KIRREL2: variants seen among roughly 807,000 people sequenced by gnomAD.
KIRREL2 encodes kirre like nephrin family adhesion molecule 2.
KIRREL2 carries 56 observed loss-of-function variants against 73.4 expected under a neutral mutation model. The ratio of observed to expected loss-of-function variants is 0.76; its 90% CI spans 0.62 to 0.95. The LOEUF (loss-of-function observed/expected upper bound fraction) is 0.95, where lower values mean the gene tolerates loss of function less well. Among genes scored for constraint, KIRREL2 ranks in the 40% least tolerant of loss-of-function variants. KIRREL2 has a pLI of 0.00. For missense variants in KIRREL2, 896 were observed against 935.0 expected, an observed-to-expected ratio of 0.96 and a Z score of 0.54; for synonymous variants, 407 against 404.0, an observed-to-expected ratio of 1.01 and a Z score of -0.09.
At chr19:35,864,318 T>G (rs952608153) in intron 13 of KIRREL2, among the ~76,000 whole-genome samples, 5 of 152,060 alleles carry the variant, frequency 3.3e-5, no homozygotes, top group African/African-American at 1.2e-4. Flanking sequence ...GCCTCCTGAG[T>G]AGCTGAAATT....
upstream of KIRREL2, among the ~76,000 whole-genome samples, chr19:35,854,391 G>A (rs1253287946): frequency 8.1e-5 from 12 of 148,936 alleles, no homozygotes; most frequent in Admixed American, 7.4e-4. Context: ...GTGTGATCTC[G>A]GCTCACTGCA....
At chr19:35,852,880 A>G (rs370364967), upstream of KIRREL2, among the ~76,000 whole-genome samples, 346 of 151,922 alleles carry the variant, frequency 2.3e-3, 2 homozygotes, top group African/African-American at 7.6e-3. Flanking sequence ...CCATGGCTTG[A>G]ACCTCCCAGG....
intron 13 of KIRREL2, 117 bp downstream of exon 13, chr19:35,863,153 G>T: frequency 1.6e-6 from 1 of 628,472 alleles, no homozygotes; most frequent in Non-Finnish European, 2.8e-6. Context: ...GCCTGACGTT[G>T]GTAATACCAC....
chr19:35,854,204 C>T (rs1202363021), upstream of KIRREL2, among the ~76,000 whole-genome samples: 1 of 152,124 alleles, frequency 6.6e-6, no homozygotes, highest in Admixed American at 6.5e-5. Context: ...ATTGCCCAGG[C>T]TTGTCTGGAA....
chr19:35,856,738 C>T, upstream of KIRREL2: 1 of 375,336 alleles, frequency 2.7e-6, no homozygotes, highest in Non-Finnish European at 5.0e-6. The surrounding 1 kb of genome is among the most constrained non-coding windows in gnomAD (Gnocchi z 5.9). Flanking sequence ...CCCAGGTGTT[C>T]CGGCTCCCAG....
chr19:35,856,166 C>G (rs991226583), upstream of KIRREL2, among the ~76,000 whole-genome samples: 1 of 152,218 alleles, frequency 6.6e-6, no homozygotes, highest in Non-Finnish European at 1.5e-5. This position sits in a 1 kb window ranked among gnomAD's most constrained non-coding sequence, Gnocchi z 5.9. Flanking sequence ...AGCGTGGGAA[C>G]GCCCCAGCTG....
intron 5 of KIRREL2, 104 bp from the exon 6 acceptor site, chr19:35,860,193 G>A (rs1188966936): frequency 2.3e-6 from 2 of 883,878 alleles, no homozygotes; most frequent in Admixed American, 2.5e-5. Context: ...AAGGGGATTA[G>A]GGGCCCAGAC....
chr19:35,851,647 G>A (rs763497264), upstream of KIRREL2: 40 of 1,613,556 alleles, frequency 2.5e-5, no homozygotes, highest in East Asian at 4.5e-5. Context: ...GGGGAACGGA[G>A]GCAGGAATCG....
chr19:35,860,645 C>T lies in KIRREL2; in HGVS notation c.906C>T (p.Arg302=), dbSNP rs773295487. 23 of 1,603,232 alleles carry T rather than the reference C, an allele frequency of 1.4e-5. No homozygotes were observed. The highest frequency in any genetic ancestry group is 1.9e-5 in the Non-Finnish European group (23 of 1,179,912). Residue 302 remains arginine, a synonymous_variant, in exon 7 of 15, where the codon CGC becomes CGT. Coordinates refer to ENST00000360202, the MANE Select transcript of KIRREL2 (RefSeq NM_199180.4). ...EVSNAVGSAN[R]STALDVLFGP... is the part of the protein sequence containing the mutation. ...GCAACGCCGTGGGTAGCGCCAACCG[C>T]AGTACTGCGCTGGATGTGCTGTGTG... is the stretch of plus-strand genomic sequence containing the variant.
Position 35,862,029 on chromosome 19 carries a change from G to A in KIRREL2, c.1510+5G>A. On this transcript the variant is annotated splice_donor_5th_base_variant and intron_variant, in intron 11 of 14. Transcript: ENST00000360202. Reference sequence around the variant, plus strand: ...AGGCCAGCCTGGGCCGTAGAGGTGAGACCCCAGCCCGAAGACCCCAAATCT... The same window carrying A: ...AGGCCAGCCTGGGCCGTAGAGGTGAAACCCCAGCCCGAAGACCCCAAATCT... 5.0e-6 allele frequency: 8 copies of A among 1,603,182 alleles called. No homozygotes were observed. The highest frequency in any genetic ancestry group is 6.8e-6 in the Non-Finnish European group (8 of 1,175,396).
rs2146852914 is a variant in KIRREL2, at chr19:35,858,466, T to C, written c.270T>C (p.Ile90=). Residue 90 remains isoleucine, a synonymous_variant, in exon 3 of 15, where the codon ATT becomes ATC. Coordinates refer to ENST00000360202, the MANE Select transcript of KIRREL2 (RefSeq NM_199180.4). ...CCAATGGCCAGCATGACCTCCACAT[T>C]AGGCCCGTGGAGCTAGAGGATGAAG... ...NAANGQHDLH[I]RPVELEDEAS... 1 of 1,614,114 alleles carries C rather than the reference T, an allele frequency of 6.2e-7. No homozygotes were observed. Among genetic ancestry groups the C allele is most frequent in the South Asian group, 1.1e-5 (1 of 91,086 alleles).
upstream of KIRREL2, chr19:35,851,739 G>A: frequency 1.3e-6 from 2 of 1,559,644 alleles, no homozygotes; most frequent in Admixed American, 1.9e-5. Flanking sequence ...TGGGAAATGG[G>A]GGCCACTTGG....
rs1431769986 is a variant in KIRREL2, at chr19:35,857,390, T to C, written c.107T>C (p.Leu36Pro). 3.7e-6 allele frequency: 6 copies of C among 1,612,784 alleles called. No individual in the cohort carries two copies. The highest frequency in any genetic ancestry group is 5.1e-6 in the Non-Finnish European group (6 of 1,180,010). The stretch of plus-strand genomic sequence containing the variant: ...CAACAGCCAGAGGACCTGGTGGTGC[T>C]GCTGGGGGAGGAAGCCCGGCTGCCG... Reference protein sequence around the residue: ...FLQQPEDLVVLLGEEARLPCA... With the variant: ...FLQQPEDLVVPLGEEARLPCA... The change falls in exon 2 of 15, where the codon CTG becomes CCG. Residue 36 changes from leucine to proline, a missense_variant. Transcript: ENST00000360202.
At chr19:35,860,700 A>G in intron 7 of KIRREL2, 33 bp downstream of exon 7, 1 of 1,598,864 alleles carries the variant, frequency 6.3e-7, no homozygotes, top group Non-Finnish European at 8.5e-7. Flanking sequence ...GTGTGGTCAA[A>G]GGTGGCCGTG....
chr19:35,857,423 T>C lies in KIRREL2; in HGVS notation c.140T>C (p.Leu47Pro), dbSNP rs749525294. 6.2e-7 allele frequency: 1 copy of C among 1,613,050 alleles called. No individual in the cohort carries two copies. The highest frequency in any genetic ancestry group is 1.7e-5 in the Admixed American group (1 of 59,982). Residue 47 changes from leucine to proline, a missense_variant, in exon 2 of 15, where the codon CTG becomes CCG. Coordinates refer to ENST00000360202, the MANE Select transcript of KIRREL2 (RefSeq NM_199180.4). ...LGEEARLPCA[L>P]GAYWGLVQWT... ...GAGGAAGCCCGGCTGCCGTGTGCTC[T>C]GGGCGCCTACTGGGGGCTAGTTCAG...
In KIRREL2 at chr19:35,862,920, T is replaced by C; in HGVS notation, c.1616-7T>C. The C allele has an allele frequency of 6.5e-7, 1 of 1,546,942 alleles. No homozygotes were observed. The highest frequency in any genetic ancestry group is 2.4e-5 in the East Asian group (1 of 42,354). On this transcript the variant is annotated splice_region_variant and splice_polypyrimidine_tract_variant and intron_variant, in intron 12 of 14. Transcript: ENST00000360202. The stretch of plus-strand genomic sequence containing the variant: ...ATCGCTTAACTCCACCGGTCGCTGT[T>C]TGTCAGCCTCAGCCTCTTTCTCCGA...
At chr19:35,852,761 A>G (rs1255251251), upstream of KIRREL2, among the ~76,000 whole-genome samples, 1 of 152,052 alleles carries the variant, frequency 6.6e-6, no homozygotes, top group Non-Finnish European at 1.5e-5. Flanking sequence ...GCCCTGATAC[A>G]TGACCTTGGC....
chr19:35,859,969 C>T (rs549758234), intron 5 of KIRREL2, among the ~76,000 whole-genome samples: 12 of 152,204 alleles, frequency 7.9e-5, no homozygotes, highest in South Asian at 2.1e-4. Context: ...CACTTGTACC[C>T]GGGAGGCAGA....
chr19:35,862,523 G>A lies in KIRREL2; in HGVS notation c.1541G>A (p.Gly514Glu). ...DLLPTVRIVA[G>E]VAAATTTLLM... Reference sequence around the variant, plus strand: ...CTGCCCACTGTGCGGATAGTGGCCGGAGTGGCCGCTGCCACCACAACTCTC... The same window carrying A: ...CTGCCCACTGTGCGGATAGTGGCCGAAGTGGCCGCTGCCACCACAACTCTC... Residue 514 changes from glycine (G) to glutamate (E), a missense_variant, in exon 12 of 15, where the codon GGA becomes GAA. Coordinates refer to ENST00000360202, the MANE Select transcript of KIRREL2 (RefSeq NM_199180.4). The A allele has an allele frequency of 1.2e-6, 2 of 1,610,426 alleles. No homozygotes were observed. The highest frequency in any genetic ancestry group is 1.7e-6 in the Non-Finnish European group (2 of 1,179,924).
Sources: allele counts gnomAD v4.1 joint callset (sites outside exome capture counted in the v4.1 genomes callset), GRCh38; gene constraint gnomAD v4.1.1; non-coding constraint Gnocchi (gnomAD v3.1); transcripts MANE v1.5; gene names NCBI Gene and HGNC (gene_info 2026-07-23, HGNC 2026-07-21).